The following STX8 variants were observed in gnomAD, a reference collection of about 807,000 sequenced individuals.
STX8 encodes the protein syntaxin-8.
A neutral mutation model predicts 37.5 loss-of-function variants in STX8; 23 were observed. The observed-to-expected ratio is 0.61, with a 90% confidence interval of 0.44 to 0.87. STX8 has a LOEUF of 0.87. STX8 is among the 40% of genes least tolerant of loss of function. The pLI is 0.00. For missense variants in STX8, 313 were observed against 284.7 expected (o/e 1.10, Z -0.71); for synonymous variants, 115 against 99.1 (o/e 1.16, Z -0.95).
Position 9,575,785 on chromosome 17 carries a change from G to C in STX8, c.17+7C>G. On this transcript the variant is annotated splice_region_variant and intron_variant, in intron 1 of 7. Coordinates refer to ENST00000306357, the MANE Select transcript of STX8 (RefSeq NM_004853.3). Reference sequence around the variant, plus strand: ...TCCACGCACCGCCGCCCTCACCCGGGACTCACCAGGGGTCCGGTGCCATCC... The same window carrying C: ...TCCACGCACCGCCGCCCTCACCCGGCACTCACCAGGGGTCCGGTGCCATCC... 2 of 1,544,080 alleles carry C rather than the reference G, an allele frequency of 1.3e-6. No homozygotes were observed. Among genetic ancestry groups the C allele is most frequent in the South Asian group, 1.2e-5 (1 of 83,928 alleles).
chr17:9,504,207 A>G (rs1904733186), intron 5 of STX8, among the ~76,000 whole-genome samples: 1 of 152,194 alleles, frequency 6.6e-6, no homozygotes, highest in African/African-American at 2.4e-5. Context: ...AAGGAAATAC[A>G]TATTAATCTG....
At chr17:9,447,975 A>G (rs11870089) in intron 6 of STX8, among the ~76,000 whole-genome samples, 151,581 of 151,778 alleles carry the variant, frequency 1, 75,694 homozygotes, top group Middle Eastern at 1. Flanking sequence ...TCAGGAGTTC[A>G]AGACCAGCTT....
chr17:9,455,250 A>G (rs1905154949), intron 6 of STX8, among the ~76,000 whole-genome samples: 1 of 151,596 alleles, frequency 6.6e-6, no homozygotes, highest in African/African-American at 2.4e-5. Context: ...CTGTAATCCT[A>G]GCAATTTGGG....
chr17:9,530,857 A>G (rs1905787754), intron 4 of STX8, among the ~76,000 whole-genome samples: 1 of 152,170 alleles, frequency 6.6e-6, no homozygotes, highest in South Asian at 2.1e-4. Flanking sequence ...TATGGTTAGT[A>G]TGTTTTGTGG....
At chr17:9,563,466 G>A (rs1227537991) in intron 2 of STX8, among the ~76,000 whole-genome samples, 4 of 152,094 alleles carry the variant, frequency 2.6e-5, no homozygotes, top group Non-Finnish European at 5.9e-5. Context: ...TTACAGGCGT[G>A]AGTCACCGCG....
chr17:9,355,047 T>C (rs1183031974), intron 7 of STX8, among the ~76,000 whole-genome samples: 2 of 152,160 alleles, frequency 1.3e-5, no homozygotes, highest in Non-Finnish European at 2.9e-5. Context: ...CTCCCACCCC[T>C]AGGGAGGCAG....
chr17:9,477,580 G>A (rs1906157456), intron 6 of STX8, among the ~76,000 whole-genome samples: 1 of 152,180 alleles, frequency 6.6e-6, no homozygotes. Flanking sequence ...GAGAAGAGCT[G>A]AGTAATAAAA....
chr17:9,327,991 GTC>G lies in STX8; in HGVS notation c.643+50559_643+50560del, dbSNP rs201774183. ...TTCTCCCTCCTTCCTTCCTTCTTTT[GTC>G]TCTCTCTTTCCTTCTCTCTCATTCT... On this transcript the variant is annotated intron_variant, in intron 7 of 7. Transcript: ENST00000306357. 1.7e-3 allele frequency among the ~76,000 whole-genome samples: 214 copies of G among 127,226 alleles called. 2 individuals are homozygous for G. In the East Asian group the frequency reaches 0.036, roughly 22 times the overall value. 83.5% of individuals were successfully genotyped at this position (127,226 alleles called of 152,430 possible).
At chr17:9,337,309 G>A (rs1910169792) in intron 7 of STX8, among the ~76,000 whole-genome samples, 1 of 151,954 alleles carries the variant, frequency 6.6e-6, no homozygotes, top group Non-Finnish European at 1.5e-5. Flanking sequence ...GTCCATACTG[G>A]GATAGAGGAT....
intron 6 of STX8, among the ~76,000 whole-genome samples, chr17:9,485,382 G>A (rs1906543047): frequency 6.6e-6 from 1 of 152,096 alleles, no homozygotes. Flanking sequence ...GGAAAGCATA[G>A]GGCCTGGCTT....
intron 7 of STX8, among the ~76,000 whole-genome samples, chr17:9,256,011 G>A (rs1396058815): frequency 6.6e-6 from 1 of 152,224 alleles, no homozygotes; most frequent in African/African-American, 2.4e-5. Context: ...TCTTTTTGAA[G>A]CCAGGGAAAG....
At chr17:9,572,399 G>T (rs1393366331) in intron 1 of STX8, among the ~76,000 whole-genome samples, 1 of 147,336 alleles carries the variant, frequency 6.8e-6, no homozygotes, top group Non-Finnish European at 1.5e-5. Context: ...TTTATAGGTT[G>T]TTTTTGTTTG....
intron 7 of STX8, among the ~76,000 whole-genome samples, chr17:9,325,055 A>T (rs1909710342): frequency 6.6e-6 from 1 of 152,176 alleles, no homozygotes; most frequent in Non-Finnish European, 1.5e-5. Flanking sequence ...ATGGGAGTAA[A>T]CAACCAGTAT....
chr17:9,415,763 C>T (rs1287287147), intron 6 of STX8, among the ~76,000 whole-genome samples: 1 of 152,140 alleles, frequency 6.6e-6, no homozygotes, highest in Non-Finnish European at 1.5e-5. Flanking sequence ...GGCAAGACTC[C>T]GTCTCAACAA....
chr17:9,557,831 C>T (rs1907040854), intron 2 of STX8, among the ~76,000 whole-genome samples: 1 of 152,148 alleles, frequency 6.6e-6, no homozygotes, highest in African/African-American at 2.4e-5. Context: ...AATCCTGTCA[C>T]CTGAGCTTCT....
At chr17:9,460,673 C>A (rs1479497591) in intron 6 of STX8, among the ~76,000 whole-genome samples, 1,008 of 96,382 alleles carry the variant, frequency 0.01, no homozygotes, top group East Asian at 0.019. Context: ...GACTCTGTCT[C>A]AAAAAAAAAA....
chr17:9,304,429 G>A (rs1055931329), intron 7 of STX8, among the ~76,000 whole-genome samples: 5 of 150,052 alleles, frequency 3.3e-5, no homozygotes, highest in African/African-American at 9.8e-5. Flanking sequence ...GGGAGGCTGA[G>A]GCAGAAGAAT....
At chr17:9,494,861 T>C (rs1287509088) in intron 5 of STX8, among the ~76,000 whole-genome samples, 1 of 152,110 alleles carries the variant, frequency 6.6e-6, no homozygotes, top group African/African-American at 2.4e-5. Context: ...CTTCCTCTAA[T>C]TTCAGGTGCT....
intron 4 of STX8, among the ~76,000 whole-genome samples, chr17:9,517,566 A>G (rs1369225696): frequency 6.6e-6 from 1 of 152,176 alleles, no homozygotes; most frequent in East Asian, 1.9e-4. Context: ...TGGCTTCCTC[A>G]GGGCCACCCA....
Sources: gnomAD v4.1 joint callset for allele counts (sites outside exome capture counted in the v4.1 genomes callset) on GRCh38, gnomAD v4.1.1 for gene constraint, MANE v1.5 for transcripts, NCBI Gene and HGNC (gene_info 2026-07-23, HGNC 2026-07-21) for gene names.